The following KANTR variants were observed in gnomAD, a reference collection of about 807,000 sequenced individuals.
KANTR encodes KANTR integral membrane protein, also known as KDM5C adjacent transcript.
intron 2 of KANTR, among the ~76,000 whole-genome samples, chrX:53,101,935 G>A (rs1932897806): frequency 9.1e-6 from 1 of 109,701 alleles, no homozygotes; most frequent in Non-Finnish European, 1.9e-5. Context: ...AGGAGGCAAA[G>A]GCTGCAGTGA....
downstream of KANTR, chrX:53,143,585 G>A (rs1252982046): frequency 1.1e-4 from 71 of 637,141 alleles, 1 homozygote; most frequent in Non-Finnish European, 1.5e-4. Flanking sequence ...CTTGGGGTTC[G>A]AGGGGCCTCG....
chrX:53,138,705 T>TA (rs781934985), intron 2 of KANTR, among the ~76,000 whole-genome samples: 142 of 92,526 alleles, frequency 1.5e-3, no homozygotes, highest in African/African-American at 3.8e-3. Context: ...AATTCTGTCT[T>TA]AAAAAAAAAA....
intron 1 of KANTR, 112 bp downstream of exon 1, chrX:53,094,396 C>G (rs1479270726): frequency 8.9e-6 from 1 of 112,351 alleles, no homozygotes; most frequent in African/African-American, 3.2e-5. Context: ...CCTCTCAACC[C>G]TAGGTCAGCG....
At chrX:53,100,775 G>A (rs1556811734) in intron 2 of KANTR, among the ~76,000 whole-genome samples, 2 of 112,283 alleles carry the variant, frequency 1.8e-5, no homozygotes, top group African/African-American at 6.5e-5. Flanking sequence ...TCCAGCCTGG[G>A]CAACAAGAGC....
chrX:53,132,408 GAAC>G (rs1230209774), downstream of KANTR, among the ~76,000 whole-genome samples: 1 of 111,836 alleles, frequency 8.9e-6, no homozygotes, highest in Admixed American at 9.5e-5. Context: ...CAAAGAATAT[GAAC>G]AAGCAATTTC....
At chrX:53,119,637 T>G (rs1247981870) in intron 2 of KANTR, among the ~76,000 whole-genome samples, 1 of 112,328 alleles carries the variant, frequency 8.9e-6, no homozygotes, top group Non-Finnish European at 1.9e-5. Context: ...TCATAATAAA[T>G]CTTGATATTT....
At chrX:53,119,408 C>T (rs1276273499) in intron 2 of KANTR, among the ~76,000 whole-genome samples, 3 of 111,677 alleles carry the variant, frequency 2.7e-5, no homozygotes, top group Admixed American at 1.9e-4. Context: ...TAAAAGTTTA[C>T]CTTTCACATT....
At chrX:53,107,857 C>T (rs1456531026) in intron 2 of KANTR, among the ~76,000 whole-genome samples, 1 of 110,119 alleles carries the variant, frequency 9.1e-6, no homozygotes, top group Non-Finnish European at 1.9e-5. Flanking sequence ...CATGGGATTA[C>T]AGGTGTGAAC....
rs200871442 is a variant in KANTR at position 53,139,220 on chromosome X, CAAAAAAAA to C, written n.204-2613_204-2606del. 6.6e-4 allele frequency among the ~76,000 whole-genome samples: 53 copies of C among 79,713 alleles called. 1 individual carries two copies. Among genetic ancestry groups the C allele is most frequent in the South Asian group, 1.2e-3 (2 of 1,632 alleles). 69.2% of individuals were successfully genotyped at this position (79,713 alleles called of 115,157 possible). A position where few individuals can be genotyped will look rare whatever the true frequency, so the allele number is the denominator to read the frequency against. ...TGGGTGACAGAGCGAGACTCCGTCT[CAAAAAAAA>C]AAAAAAAAAAAAAAGGAATTCTAGG... is the stretch of plus-strand genomic sequence containing the variant. On this transcript the variant is annotated intron_variant and non_coding_transcript_variant, in intron 2 of 2. Transcript: ENST00000366185.
chrX:53,147,412 A>C (rs1381854455), downstream of KANTR, among the ~76,000 whole-genome samples: 4 of 112,004 alleles, frequency 3.6e-5, no homozygotes, highest in African/African-American at 1.3e-4. Context: ...CAACAAGAAG[A>C]GCTAACTATC....
downstream of KANTR, among the ~76,000 whole-genome samples, chrX:53,145,881 G>A (rs1285142046): frequency 5.3e-5 from 6 of 112,188 alleles, no homozygotes; most frequent in African/African-American, 1.9e-4. Context: ...TGATACCCAG[G>A]CAAACAGGGT....
chrX:53,102,253 A>G (rs1222974705), intron 2 of KANTR, among the ~76,000 whole-genome samples: 4 of 111,982 alleles, frequency 3.6e-5, no homozygotes, highest in African/African-American at 1.3e-4. Flanking sequence ...TAACGAAACT[A>G]CAGGGTTTAT....
At chrX:53,107,302 C>T (rs75364536) in intron 2 of KANTR, among the ~76,000 whole-genome samples, 31 of 61,572 alleles carry the variant, frequency 5.0e-4, no homozygotes, top group South Asian at 1.3e-3. Context: ...ATCCTCTTTG[C>T]TTTTTTTTTT....
chrX:53,140,621 A>T (rs1933489538), intron 2 of KANTR, among the ~76,000 whole-genome samples: 1 of 110,330 alleles, frequency 9.1e-6, no homozygotes, highest in African/African-American at 3.3e-5. Flanking sequence ...AAGGGTGTTC[A>T]TCACACATTA....
intron 2 of KANTR, among the ~76,000 whole-genome samples, chrX:53,108,153 T>C (rs782709108): frequency 8.4e-4 from 90 of 106,557 alleles, no homozygotes; most frequent in Non-Finnish European, 1.4e-3. Flanking sequence ...CCTCCCAAAG[T>C]GCTAGGATTA....
intron 2 of KANTR, among the ~76,000 whole-genome samples, chrX:53,101,310 T>C (rs1280550971): frequency 1.8e-5 from 2 of 111,918 alleles, no homozygotes; most frequent in African/African-American, 6.5e-5. Context: ...TGATTTAAAG[T>C]GAGAGATGTT....
chrX:53,144,011 A>G (rs1933539505), downstream of KANTR: 1 of 217,554 alleles, frequency 4.6e-6, no homozygotes, highest in Admixed American at 5.9e-5. Context: ...TGAAGTTAAC[A>G]ATTAGCCAAA....
At chrX:53,130,447 A>G (rs183344146), downstream of KANTR, among the ~76,000 whole-genome samples, 310 of 66,100 alleles carry the variant, frequency 4.7e-3, 2 homozygotes, top group African/African-American at 0.014. Flanking sequence ...CTTGACCTCA[A>G]TTTTCTGTAG....
chrX:53,143,454 C>T, downstream of KANTR: 1 of 597,056 alleles, frequency 1.7e-6, no homozygotes, highest in Non-Finnish European at 2.9e-6. Context: ...TCTCCAGAGT[C>T]CATGACAGTG....
Sources: gnomAD v4.1 joint callset for allele counts (sites outside exome capture counted in the v4.1 genomes callset) on GRCh38, gnomAD v4.1.1 for gene constraint, MANE v1.5 for transcripts, NCBI Gene and HGNC (gene_info 2026-07-23, HGNC 2026-07-21) for gene names.